Variants in NEFH observed in about 807,000 individuals in gnomAD.
NEFH encodes the protein neurofilament heavy chain, also known as neurofilament heavy polypeptide.
In NEFH, 58 loss-of-function variants were observed where a neutral mutation model predicts 56.6. The observed-to-expected ratio is 1.03, with a 90% CI of 0.83 to 1.28. NEFH has a LOEUF of 1.28. Among genes scored for constraint, NEFH ranks in the 50% most tolerant of loss-of-function variants. NEFH has a pLI of 0.00. For missense variants in NEFH, 1,221 were observed against 1,307.6 expected (o/e 0.93, Z 1.02); for synonymous variants, 542 against 545.8 (o/e 0.99, Z 0.10).
Position 29,490,978 on chromosome 22 carries a change from A to G in NEFH, c.*275A>G. On this transcript the variant is annotated 3_prime_UTR_variant, in exon 4 of 4. Coordinates refer to ENST00000310624, the MANE Select transcript of NEFH (RefSeq NM_021076.4). ...GATACATGCCGAATGCCACACGTAA[A>G]CACTTGACTATAAAAACTGCCCCCC... 1.8e-6 allele frequency: 1 copy of G among 548,620 alleles called. No individual in the cohort carries two copies. The highest frequency in any genetic ancestry group is 3.2e-6 in the Non-Finnish European group (1 of 312,066). 34.0% of individuals were successfully genotyped at this position (548,620 alleles called of 1,614,324 possible). A position where few individuals can be genotyped will look rare whatever the true frequency, so the allele number is the denominator to read the frequency against.
intron 1 of NEFH, among the ~76,000 whole-genome samples, chr22:29,481,696 C>T (rs1032676451): frequency 6.6e-6 from 1 of 152,198 alleles, no homozygotes; most frequent in Admixed American, 6.5e-5. Context: ...CTTTTCGCAT[C>T]CTTTCTTCCT....
At position 29,489,878 on chromosome 22, in the gene NEFH, C is replaced by T. The variant is rs751345116; in HGVS notation, c.2238C>T (p.Ser746=). Residue 746 remains serine (S), a synonymous_variant, in exon 4 of 4, where the codon TCC becomes TCT. Transcript: ENST00000310624. ...AKSPVKEEAK[S]PEKAKSPEKA... ...CCCCAGTGAAGGAAGAAGCTAAGTC[C>T]CCAGAGAAGGCCAAGTCCCCAGAGA... The T allele has an allele frequency of 6.3e-7, 1 of 1,576,210 alleles. No individual in the cohort carries two copies. Among genetic ancestry groups the T allele is most frequent in the East Asian group, 3.1e-5 (1 of 32,766 alleles).
At position 29,481,043 on chromosome 22, in the gene NEFH, GA is replaced by G. The variant is rs1374257346; in HGVS notation, c.782del (p.Asp261AlafsTer3). ...AQAQMQAETR[D>X]ALKCDVTSAL... is the part of the protein sequence containing the mutation. ...GGCGCAGATGCAGGCCGAGACGCGC[GA>G]CGCCCTGAAGTGCGACGTGACGTCG... On this transcript the variant is annotated frameshift_variant, in exon 1 of 4. Coordinates refer to ENST00000310624, the MANE Select transcript of NEFH (RefSeq NM_021076.4). LOFTEE classifies it high-confidence loss of function. 6.5e-7 allele frequency: 1 copy of G among 1,531,456 alleles called. No homozygotes were observed. The highest frequency in any genetic ancestry group is 8.7e-7 in the Non-Finnish European group (1 of 1,145,268). 94.9% of individuals were successfully genotyped at this position (1,531,456 alleles called of 1,614,324 possible). A position where few individuals can be genotyped will look rare whatever the true frequency, so the allele number is the denominator to read the frequency against.
Position 29,480,228 on chromosome 22 carries a change from C to T in NEFH, c.-35C>T. On this transcript the variant is annotated 5_prime_UTR_variant, in exon 1 of 4. Coordinates refer to ENST00000310624, the MANE Select transcript of NEFH (RefSeq NM_021076.4). ...CGCCCTGGTGCTGCCGCAGTGCCTCCCGCCCCGTCCCGGCCTCGCGCACCT... is the reference window on the plus strand; with the variant it reads ...CGCCCTGGTGCTGCCGCAGTGCCTCTCGCCCCGTCCCGGCCTCGCGCACCT... 2 of 1,492,558 alleles carry T rather than the reference C, an allele frequency of 1.3e-6. No homozygotes were observed. The highest frequency in any genetic ancestry group is 8.8e-7 in the Non-Finnish European group (1 of 1,130,460). The allele number at this position is 1,492,558 out of a possible 1,614,324, so 92.5% of individuals were successfully genotyped here. A position where few individuals can be genotyped will look rare whatever the true frequency, so the allele number is the denominator to read the frequency against.
intron 1 of NEFH, among the ~76,000 whole-genome samples, chr22:29,482,684 A>C (rs1445731012): frequency 6.6e-6 from 1 of 152,224 alleles, no homozygotes; most frequent in Non-Finnish European, 1.5e-5. Flanking sequence ...TGCAGCCTCC[A>C]GCTCAGTGTT....
chr22:29,488,746 C>G, intron 3 of NEFH, 103 bp from the exon 4 acceptor site: 2 of 1,094,742 alleles, frequency 1.8e-6, no homozygotes, highest in South Asian at 2.5e-5. Flanking sequence ...CCACCAAAAC[C>G]CATATCATTC....
intron 2 of NEFH, among the ~76,000 whole-genome samples, chr22:29,483,975 G>A (rs575033988): frequency 3.4e-4 from 51 of 151,890 alleles, no homozygotes; most frequent in African/African-American, 1.1e-3. Flanking sequence ...TCAGCCTCCC[G>A]AGTAGCGGGG....
chr22:29,481,272 C>A, intron 1 of NEFH, 127 bp downstream of exon 1: 2 of 910,894 alleles, frequency 2.2e-6, no homozygotes, highest in Non-Finnish European at 3.3e-6. Flanking sequence ...CTTCCCTCTG[C>A]AAAGTGCATG....
At chr22:29,484,633 G>A (rs1394506607) in intron 2 of NEFH, among the ~76,000 whole-genome samples, 3 of 152,098 alleles carry the variant, frequency 2.0e-5, no homozygotes, top group African/African-American at 4.8e-5. Context: ...GCGACAGAGC[G>A]ACAGAGCGAG....
intron 2 of NEFH, 68 bp downstream of exon 2, chr22:29,483,642 C>A: frequency 1.3e-6 from 2 of 1,504,942 alleles, no homozygotes; most frequent in Non-Finnish European, 1.8e-6. Flanking sequence ...AAGTTACTGT[C>A]CCTCACTGAG....
At position 29,480,724 on chromosome 22, in the gene NEFH, C is replaced by T. The variant is rs1180823542; in HGVS notation, c.462C>T (p.Arg154=). ...ACGAGCGCGAGGTCCGCGAGATGCG[C>T]GGCGCGGTGCTGCGCCTGGGCGCGG... ...ELYEREVREM[R]GAVLRLGAAR... The change falls in exon 1 of 4, where the codon CGC becomes CGT. Residue 154 remains arginine, a synonymous_variant. Transcript: ENST00000310624. The T allele has an allele frequency of 6.7e-7, 1 of 1,499,568 alleles. No homozygotes were observed. Among genetic ancestry groups the T allele is most frequent in the Non-Finnish European group, 8.8e-7 (1 of 1,133,272 alleles). The allele number at this position is 1,499,568 out of a possible 1,614,324, so 92.9% of individuals were successfully genotyped here.
Position 29,490,164 on chromosome 22 carries a change from G to A in NEFH, c.2524G>A (p.Ala842Thr), listed in dbSNP as rs2063072300. ...GAAAGTCAAAGAGCCCCCAAAGAAG[G>A]CAGAGGAAGAGAAAGCCCCTGCCAC... ...EVKVKEPPKK[A>T]EEEKAPATPK... The change falls in exon 4 of 4, where the codon GCA becomes ACA. Residue 842 changes from alanine to threonine, a missense_variant. By Grantham distance (58) the Ala-to-Thr change is moderately conservative. Transcript: ENST00000310624. 1 of 1,613,232 alleles carries A rather than the reference G, an allele frequency of 6.2e-7. No homozygotes were observed. The highest frequency in any genetic ancestry group is 1.1e-5 in the South Asian group (1 of 90,986).
rs1172240883 is a variant in NEFH at position 29,481,079 on chromosome 22, G to C, written c.817G>C (p.Glu273Gln). ...GTGCGACGTGACGTCGGCGCTGCGC[G>C]AGATTCGCGCGCAGCTTGAAGGCCA... ...LKCDVTSALR[E>Q]IRAQLEGHAV... The change falls in exon 1 of 4, where the codon GAG (glutamate) becomes CAG (glutamine). Residue 273 changes from glutamate (E) to glutamine (Q), a missense_variant. Coordinates refer to ENST00000310624, the MANE Select transcript of NEFH (RefSeq NM_021076.4). 10 of 1,532,152 alleles carry C rather than the reference G, an allele frequency of 6.5e-6. No individual in the cohort carries two copies. The highest frequency in any genetic ancestry group is 7.9e-6 in the Non-Finnish European group (9 of 1,145,878). The allele number at this position is 1,532,152 out of a possible 1,614,324, so 94.9% of individuals were successfully genotyped here.
chr22:29,480,850 G>C lies in NEFH; in HGVS notation c.588G>C (p.Glu196Asp). Residue 196 changes from glutamate (E) to aspartate (D), a missense_variant, in exon 1 of 4, where the codon GAG becomes GAC. By Grantham distance (45) the Glu-to-Asp change is conservative. This residue lies in a region of NEFH where 640 missense variants were observed against 555.5 expected (regional missense o/e 1.15). Transcript: ENST00000310624. ...DDEARQREEA[E>D]AAARALARFA... ...AGGCCCGGCAGCGAGAGGAGGCCGA[G>C]GCGGCGGCCCGCGCGCTGGCGCGCT... 1.4e-6 allele frequency: 2 copies of C among 1,395,490 alleles called. No homozygotes were observed. The highest frequency in any genetic ancestry group is 1.8e-6 in the Non-Finnish European group (2 of 1,087,582). The allele number at this position is 1,395,490 out of a possible 1,614,324, so 86.4% of individuals were successfully genotyped here.
At position 29,490,590 on chromosome 22, in the gene NEFH, A is replaced by G; in HGVS notation, c.2950A>G (p.Lys984Glu). The change falls in exon 4 of 4, where the codon AAA becomes GAA. Residue 984 changes from lysine to glutamate, a missense_variant. By Grantham distance (56) the Lys-to-Glu change is moderately conservative (BLOSUM62 1). This residue lies in a region of NEFH where 301 missense variants were observed against 346.6 expected (regional missense o/e 0.87). Transcript: ENST00000310624. ...KAKEDDKTLS[K>E]EPSKPKAEKA... ...CAAGGAAGATGACAAGACCCTCTCA[A>G]AAGAGCCTAGCAAGCCTAAGGCAGA... 3.7e-6 allele frequency: 6 copies of G among 1,614,106 alleles called. No homozygotes were observed. The highest frequency in any genetic ancestry group is 5.1e-6 in the Non-Finnish European group (6 of 1,180,016).
chr22:29,483,245 C>G, intron 1 of NEFH, 130 bp from the exon 2 acceptor site: 1 of 872,338 alleles, frequency 1.1e-6, no homozygotes, highest in Non-Finnish European at 1.8e-6. Flanking sequence ...CACCACTGCC[C>G]TCCAGCCTGG....
intron 3 of NEFH, 38 bp from the exon 4 acceptor site, chr22:29,488,809 CCT>C: frequency 6.2e-7 from 1 of 1,602,440 alleles, no homozygotes; most frequent in Non-Finnish European, 8.6e-7. Context: ...GTGAATTTGC[CCT>C]GAGTTTATAC....
At position 29,484,222 on chromosome 22, in the gene NEFH, C is replaced by T. The variant is rs77580710; in HGVS notation, c.1083+648C>T. ...TCGGCAAGGTCTTCAACATTCGAAT[C>T]TTTCTAGATTTGAATCCCAGCTCTG... On this transcript the variant is annotated intron_variant, in intron 2 of 3. Transcript: ENST00000310624. 7.0e-3 allele frequency among the ~76,000 whole-genome samples: 1,066 copies of T among 152,268 alleles called. 18 individuals are homozygous for T. The highest frequency in any genetic ancestry group is 0.025 in the African/African-American group (1,020 of 41,556).
At chr22:29,483,327 C>A in intron 1 of NEFH, 48 bp from the exon 2 acceptor site, 1 of 1,540,938 alleles carries the variant, frequency 6.5e-7, no homozygotes, top group Non-Finnish European at 8.9e-7. Flanking sequence ...GGCATTAGAA[C>A]CCAGTCCAGG....
Sources: gnomAD v4.1 joint callset for allele counts (sites outside exome capture counted in the v4.1 genomes callset) on GRCh38, gnomAD v4.1.1 for gene constraint, gnomAD v4.1.1 regional missense constraint, MANE v1.5 for transcripts, NCBI Gene and HGNC (gene_info 2026-07-23, HGNC 2026-07-21) for gene names.